The following LNP1 variants were observed in gnomAD, a reference collection of about 807,000 sequenced individuals.
LNP1 encodes the protein leukemia NUP98 fusion partner 1.
In LNP1, 12 loss-of-function variants were observed where a neutral mutation model predicts 14.5. That is an observed-to-expected ratio of 0.83 (90% CI 0.53 to 1.34). The LOEUF (loss-of-function observed/expected upper bound fraction) is 1.34. Ranked by LOEUF, LNP1 falls within the 40% of genes most tolerant of loss-of-function variation. The pLI, the probability that LNP1 is intolerant of heterozygous loss-of-function variation, is 0.00. For missense variants in LNP1, 198 were observed against 210.9 expected (o/e 0.94, Z 0.38); for synonymous variants, 75 against 71.4 (o/e 1.05, Z -0.26).
chr3:100,432,368 C>G (rs1291108862), intron 2 of LNP1, among the ~76,000 whole-genome samples: 2 of 151,484 alleles, frequency 1.3e-5, no homozygotes, highest in Non-Finnish European at 2.9e-5. Context: ...CAGTGATCAA[C>G]ATTAATTAAT....
rs140823382 is a variant in LNP1, at chr3:100,443,038, T to C, written c.157-8681T>C. ...CATTACTCTGAAGTCCATACATCAG[T>C]AGGCAGGTATTAGTGGCTTATGTAT... On this transcript the variant is annotated intron_variant, in intron 2 of 3. Coordinates refer to ENST00000383693, the MANE Select transcript of LNP1 (RefSeq NM_001085451.2). 4.2e-3 allele frequency among the ~76,000 whole-genome samples: 645 copies of C among 152,288 alleles called. 3 individuals are homozygous for C. The highest frequency in any genetic ancestry group is 0.015 in the African/African-American group (613 of 41,564).
chr3:100,436,446 G>T (rs370104247), intron 2 of LNP1, among the ~76,000 whole-genome samples: 4 of 151,924 alleles, frequency 2.6e-5, no homozygotes, highest in African/African-American at 9.7e-5. Context: ...TTTATTTTTC[G>T]TTTACATACC....
chr3:100,443,310 T>C (rs990437018), intron 2 of LNP1, among the ~76,000 whole-genome samples: 1 of 152,246 alleles, frequency 6.6e-6, no homozygotes, highest in Non-Finnish European at 1.5e-5. Flanking sequence ...ACAACAGGTG[T>C]GCTATAGTTT....
intron 2 of LNP1, among the ~76,000 whole-genome samples, chr3:100,431,581 G>T (rs993166057): frequency 7.7e-4 from 117 of 152,072 alleles, no homozygotes; most frequent in African/African-American, 2.7e-3. Context: ...GAGGTCAATG[G>T]GCAGAGTACT....
At chr3:100,422,246 T>C (rs1388594334) in intron 1 of LNP1, among the ~76,000 whole-genome samples, 3 of 148,184 alleles carry the variant, frequency 2.0e-5, no homozygotes, top group Non-Finnish European at 4.4e-5. Flanking sequence ...TGAAGTGGCA[T>C]GATCTGGGCT....
chr3:100,424,791 C>G (rs943882929), intron 1 of LNP1, among the ~76,000 whole-genome samples: 1 of 152,178 alleles, frequency 6.6e-6, no homozygotes, highest in African/African-American at 2.4e-5. Context: ...CTATATTAAC[C>G]ATTTTCTGTG....
Position 100,409,947 on chromosome 3 carries a change from C to T in LNP1, c.-34+7508C>T, listed in dbSNP as rs1226465230. Among the ~76,000 whole-genome samples the T allele has an allele frequency of 7.4e-5, 11 of 148,174 alleles. No individual in the cohort carries two copies. The South Asian group carries it at 2.3e-3, about 32-fold the overall frequency. ...AAATATATGCATAAATATATATGTA[C>T]ATAGCTTACATCTATCTATCTATCT... On this transcript the variant is annotated intron_variant, in intron 1 of 3. Coordinates refer to ENST00000383693, the MANE Select transcript of LNP1 (RefSeq NM_001085451.2).
At chr3:100,417,513 T>A (rs1401954783) in intron 1 of LNP1, among the ~76,000 whole-genome samples, 1 of 151,406 alleles carries the variant, frequency 6.6e-6, no homozygotes, top group Admixed American at 6.6e-5. Flanking sequence ...GTAGCTGGGA[T>A]TACAGGCCCA....
intron 3 of LNP1, 146 bp downstream of exon 3, chr3:100,452,095 C>T: frequency 1.9e-6 from 1 of 535,638 alleles, no homozygotes. Flanking sequence ...TTCAGTTTAA[C>T]ATAACCCAGA....
At chr3:100,446,825 A>G (rs1707392852) in intron 2 of LNP1, among the ~76,000 whole-genome samples, 1 of 152,250 alleles carries the variant, frequency 6.6e-6, no homozygotes, top group Admixed American at 6.5e-5. Context: ...GAAGACATAT[A>G]TGCAACCAAC....
intron 2 of LNP1, among the ~76,000 whole-genome samples, chr3:100,431,452 A>G (rs546561629): frequency 7.9e-4 from 120 of 152,328 alleles, no homozygotes; most frequent in African/African-American, 2.8e-3. Flanking sequence ...TGAGTCAGCA[A>G]TGAATTCCGT....
intron 1 of LNP1, among the ~76,000 whole-genome samples, chr3:100,425,744 A>G (rs567362484): frequency 6.6e-6 from 1 of 152,308 alleles, no homozygotes; most frequent in South Asian, 2.1e-4. Context: ...AACCAGAAAA[A>G]ACACATCATG....
At chr3:100,404,008 C>G (rs564981183) in intron 1 of LNP1, among the ~76,000 whole-genome samples, 3 of 152,322 alleles carry the variant, frequency 2.0e-5, no homozygotes, top group African/African-American at 7.2e-5. Flanking sequence ...ACATATAGAA[C>G]AGCTCTATTC....
chr3:100,412,533 C>A (rs368328270), intron 1 of LNP1, among the ~76,000 whole-genome samples: 2 of 152,204 alleles, frequency 1.3e-5, no homozygotes, highest in East Asian at 3.8e-4. Flanking sequence ...CTGGGACTTT[C>A]TCAAAATTTA....
chr3:100,441,538 T>G (rs1429618999), intron 2 of LNP1, among the ~76,000 whole-genome samples: 1 of 152,186 alleles, frequency 6.6e-6, no homozygotes, highest in African/African-American at 2.4e-5. Flanking sequence ...GGATATTTAT[T>G]AAACATTAGC....
chr3:100,420,511 C>T (rs1299070944), intron 1 of LNP1, among the ~76,000 whole-genome samples: 1 of 151,606 alleles, frequency 6.6e-6, no homozygotes, highest in African/African-American at 2.4e-5. Context: ...GAGACAGGGT[C>T]TCCCTATGTT....
intron 3 of LNP1, among the ~76,000 whole-genome samples, chr3:100,452,934 G>A (rs551065688): frequency 6.6e-6 from 1 of 152,164 alleles, no homozygotes; most frequent in Admixed American, 6.5e-5. Flanking sequence ...TTTTTTGTAG[G>A]TCTTTGGTTT....
At chr3:100,446,173 G>A (rs1707384961) in intron 2 of LNP1, among the ~76,000 whole-genome samples, 1 of 152,142 alleles carries the variant, frequency 6.6e-6, no homozygotes, top group African/African-American at 2.4e-5. Context: ...CAAAGCTGGA[G>A]GCATCACACT....
At chr3:100,409,965 A>G (rs920897764) in intron 1 of LNP1, among the ~76,000 whole-genome samples, 5 of 146,070 alleles carry the variant, frequency 3.4e-5, no homozygotes, top group Non-Finnish European at 6.2e-5. Context: ...ACATCTATCT[A>G]TCTATCTATC....
Sources: allele counts gnomAD v4.1 joint callset (sites outside exome capture counted in the v4.1 genomes callset), GRCh38; gene constraint gnomAD v4.1.1; transcripts MANE v1.5; gene names NCBI Gene and HGNC (gene_info 2026-07-23, HGNC 2026-07-21).